Variants in LINGO2 observed in about 807,000 individuals in gnomAD.
LINGO2 encodes leucine rich repeat and Ig domain containing 2, also known as leucine-rich repeat and immunoglobulin-like domain-containing nogo receptor-interacting protein 2.
A neutral mutation model predicts 30.6 loss-of-function variants in LINGO2; 14 were observed. The ratio of observed to expected loss-of-function variants is 0.46; its 90% CI spans 0.30 to 0.72. The LOEUF is 0.72. Ranked by LOEUF, LINGO2 falls within the 30% of genes least tolerant of loss-of-function variation. The pLI, the probability that LINGO2 is intolerant of heterozygous loss-of-function variation, is 0.07. For missense variants in LINGO2, 729 were observed against 751.7 expected, an observed-to-expected ratio of 0.97 and a Z score of 0.35; for synonymous variants, 317 against 288.5, an observed-to-expected ratio of 1.10 and a Z score of -1.00.
At chr9:29,038,096 C>G in the LINGO2 span, among the ~76,000 whole-genome samples, 1 of 151,806 alleles carries the variant, frequency 6.6e-6, no homozygotes, top group African/African-American at 2.4e-5. Flanking sequence ...TTGTCAATAT[C>G]TCTATGCATG....
the LINGO2 span, among the ~76,000 whole-genome samples, chr9:28,911,105 G>A: frequency 9.3e-3 from 1,415 of 152,058 alleles, 16 homozygotes; most frequent in Non-Finnish European, 0.013. Flanking sequence ...GGAAGAGAGG[G>A]AATATATGAT....
At chr9:28,059,897 G>C (rs912769480) in intron 4 of LINGO2, among the ~76,000 whole-genome samples, 1 of 151,832 alleles carries the variant, frequency 6.6e-6, no homozygotes, top group Non-Finnish European at 1.5e-5. Context: ...GAAGAACGGG[G>C]TATGAGAGGC....
the LINGO2 span, among the ~76,000 whole-genome samples, chr9:28,715,798 G>A: frequency 2.8e-4 from 42 of 152,080 alleles, 1 homozygote; most frequent in African/African-American, 9.6e-4. Flanking sequence ...GAATAACTTA[G>A]AAGAAAGAAA....
chr9:28,870,711 G>C, the LINGO2 span, among the ~76,000 whole-genome samples: 1 of 146,840 alleles, frequency 6.8e-6, no homozygotes, highest in African/African-American at 2.7e-5. Flanking sequence ...AGCATAAAAA[G>C]AAGCAACAAA....
At chr9:28,670,812 A>G (rs1337909431), upstream of LINGO2, among the ~76,000 whole-genome samples, 1 of 152,182 alleles carries the variant, frequency 6.6e-6, no homozygotes, top group Non-Finnish European at 1.5e-5. Context: ...GTTTAAACTT[A>G]TCAAATGAAT....
At chr9:28,095,705 A>C (rs942746189) in intron 4 of LINGO2, among the ~76,000 whole-genome samples, 153 of 152,212 alleles carry the variant, frequency 1.0e-3, no homozygotes, top group African/African-American at 3.5e-3. Context: ...CCAAAATTGA[A>C]AAATGGGATC....
chr9:28,826,736 T>C, the LINGO2 span, among the ~76,000 whole-genome samples: 3 of 152,188 alleles, frequency 2.0e-5, no homozygotes, highest in South Asian at 6.2e-4. Flanking sequence ...ATTTAACTGA[T>C]GTTCCCTTTT....
chr9:28,027,290 G>T (rs1351436073), intron 4 of LINGO2, among the ~76,000 whole-genome samples: 2 of 152,074 alleles, frequency 1.3e-5, no homozygotes, highest in East Asian at 3.9e-4. Flanking sequence ...GTATAGAGAA[G>T]TAACTTGTCC....
chr9:28,561,743 GTGTGTGTATA>G (rs1382826614), intron 1 of LINGO2, among the ~76,000 whole-genome samples: 3 of 44,452 alleles, frequency 6.7e-5, no homozygotes, highest in African/African-American at 3.0e-4. Flanking sequence ...TTTTGTGTGT[GTGTGTGTATA>G]TATATATATA....
At chr9:28,008,049 G>A (rs1822355261) in intron 5 of LINGO2, among the ~76,000 whole-genome samples, 1 of 152,044 alleles carries the variant, frequency 6.6e-6, no homozygotes, top group Admixed American at 6.6e-5. Context: ...GAAATCAGGG[G>A]CTTTTGTTAT....
intron 4 of LINGO2, among the ~76,000 whole-genome samples, chr9:28,052,176 T>C (rs1246787521): frequency 1.3e-5 from 2 of 152,184 alleles, no homozygotes. Context: ...TTCAACAAAA[T>C]TATGGATTCT....
chr9:28,663,577 G>T (rs1828671553), intron 1 of LINGO2, among the ~76,000 whole-genome samples: 1 of 152,080 alleles, frequency 6.6e-6, no homozygotes, highest in Admixed American at 6.6e-5. Context: ...GCAAAATACT[G>T]GGAAAGGCCC....
At chr9:28,192,874 C>T (rs1396244891) in intron 4 of LINGO2, among the ~76,000 whole-genome samples, 4 of 152,004 alleles carry the variant, frequency 2.6e-5, no homozygotes, top group African/African-American at 7.2e-5. Context: ...AAAATTTTGT[C>T]TTTTAGGCTT....
At chr9:28,132,516 G>T (rs1827406385) in intron 4 of LINGO2, among the ~76,000 whole-genome samples, 1 of 152,192 alleles carries the variant, frequency 6.6e-6, no homozygotes, top group Non-Finnish European at 1.5e-5. Context: ...ACTTCAGTTA[G>T]ATAGCTTTTA....
the LINGO2 span, among the ~76,000 whole-genome samples, chr9:29,047,930 C>T: frequency 0.017 from 2,636 of 151,680 alleles, 82 homozygotes; most frequent in African/African-American, 0.061. Flanking sequence ...ATGGTGAAAC[C>T]CTGTCTCCCA....
intron 5 of LINGO2, among the ~76,000 whole-genome samples, chr9:27,995,014 G>A (rs1413555210): frequency 6.6e-6 from 1 of 152,062 alleles, no homozygotes; most frequent in East Asian, 1.9e-4. Context: ...CTAATAACCA[G>A]GATTCCTGAA....
the LINGO2 span, among the ~76,000 whole-genome samples, chr9:28,783,653 G>T: frequency 6.6e-6 from 1 of 152,138 alleles, no homozygotes; most frequent in South Asian, 2.1e-4. Context: ...ATTTGAATTG[G>T]GTGTGGAAAG....
At chr9:28,987,590 A>T in the LINGO2 span, among the ~76,000 whole-genome samples, 1 of 151,572 alleles carries the variant, frequency 6.6e-6, no homozygotes, top group East Asian at 1.9e-4. Flanking sequence ...CTTTGGACTT[A>T]GTTTGTTCTT....
intron 4 of LINGO2, among the ~76,000 whole-genome samples, chr9:28,054,783 ATAACT>A (rs574699257): frequency 8.0e-4 from 121 of 151,644 alleles, no homozygotes; most frequent in African/African-American, 1.8e-3. Flanking sequence ...ATTCCAGGCT[ATAACT>A]TAATTTTTAA....
Sources: allele counts gnomAD v4.1 joint callset (sites outside exome capture counted in the v4.1 genomes callset), GRCh38; gene constraint gnomAD v4.1.1; transcripts MANE v1.5; gene names NCBI Gene and HGNC (gene_info 2026-07-23, HGNC 2026-07-21).